KAZN: variants seen among roughly 807,000 people sequenced by gnomAD.
KAZN encodes the protein kazrin.
A neutral mutation model predicts 87.4 loss-of-function variants in KAZN; 40 were observed. That is an observed-to-expected ratio of 0.46 (90% confidence interval 0.36 to 0.60). The LOEUF is 0.60. Ranked by LOEUF, KAZN falls within the 20% of genes least tolerant of loss-of-function variation. KAZN has a pLI of 0.00. For missense variants in KAZN, 898 were observed against 1,073.9 expected, an observed-to-expected ratio of 0.84 and a Z score of 2.29; for synonymous variants, 466 against 458.3, an observed-to-expected ratio of 1.02 and a Z score of -0.22.
intron 2 of KAZN, among the ~76,000 whole-genome samples, chr1:14,586,523 T>TG (rs199827282): frequency 1.4e-5 from 2 of 142,940 alleles, no homozygotes; most frequent in African/African-American, 5.4e-5. Flanking sequence ...TTTTTCTTTC[T>TG]GGTTTTTTTT....
intron 2 of KAZN, among the ~76,000 whole-genome samples, chr1:15,010,899 C>T (rs180940820): frequency 3.9e-5 from 6 of 152,270 alleles, no homozygotes; most frequent in East Asian, 1.9e-4. Flanking sequence ...AACATTTCTC[C>T]CTTTATTTAC....
intron 2 of KAZN, among the ~76,000 whole-genome samples, chr1:14,578,878 G>A (rs541978216): frequency 1.3e-5 from 2 of 152,192 alleles, no homozygotes; most frequent in South Asian, 2.1e-4. Flanking sequence ...ATAACCTTTG[G>A]AGATAGGCAG....
chr1:14,788,918 T>A (rs2100680025), intron 1 of KAZN, among the ~76,000 whole-genome samples: 2 of 152,150 alleles, frequency 1.3e-5, no homozygotes, highest in Middle Eastern at 3.4e-3. Flanking sequence ...TGGGTTAAGA[T>A]CTCCTCCAGA....
chr1:15,096,874 A>G lies in KAZN; in HGVS notation c.1547+1941A>G, dbSNP rs577409613. On this transcript the variant is annotated intron_variant, in intron 10 of 14. Transcript: ENST00000376030. This position sits in a 1 kb window ranked among gnomAD's most constrained non-coding sequence, Gnocchi z 4.5. ...TCACATCGAAGGTTAGGATTTCAGC[A>G]TGTGAATTGGGTGGGGGGCATGGCA... 1.9e-4 allele frequency among the ~76,000 whole-genome samples: 29 copies of G among 152,284 alleles called. No individual in the cohort carries two copies. Among genetic ancestry groups the G allele is most frequent in the African/African-American group, 6.3e-4 (26 of 41,550 alleles).
chr1:14,926,403 A>G (rs1159140197), intron 1 of KAZN, among the ~76,000 whole-genome samples: 2 of 152,170 alleles, frequency 1.3e-5, no homozygotes, highest in Admixed American at 6.5e-5. Flanking sequence ...TCCTAGGTCT[A>G]GGGGTGGTTG....
intron 2 of KAZN, among the ~76,000 whole-genome samples, chr1:14,530,873 C>T (rs1234076668): frequency 6.6e-6 from 1 of 152,070 alleles, no homozygotes; most frequent in African/African-American, 2.4e-5. Flanking sequence ...TCACTTGAAC[C>T]CAGGAATTTG....
intron 1 of KAZN, among the ~76,000 whole-genome samples, chr1:14,015,022 C>G (rs1640497938): frequency 6.6e-6 from 1 of 152,112 alleles, no homozygotes; most frequent in Admixed American, 6.5e-5. Context: ...TGCCTCTAGT[C>G]TTGCAATTTC....
chr1:14,972,305 C>T (rs1330108622), intron 2 of KAZN, among the ~76,000 whole-genome samples: 2 of 152,170 alleles, frequency 1.3e-5, no homozygotes, highest in Admixed American at 6.5e-5. Flanking sequence ...AGGAGAAGAC[C>T]TTTGGTGTGA....
intron 1 of KAZN, among the ~76,000 whole-genome samples, chr1:14,019,321 A>G (rs1466515602): frequency 6.6e-6 from 1 of 152,182 alleles, no homozygotes; most frequent in African/African-American, 2.4e-5. Context: ...AAAGCTATAT[A>G]TCAAGACCCA....
chr1:14,831,644 C>G (rs1480921367), intron 1 of KAZN, among the ~76,000 whole-genome samples: 1 of 152,130 alleles, frequency 6.6e-6, no homozygotes, highest in African/African-American at 2.4e-5. Context: ...AAATATTGAG[C>G]CTACCGCCGA....
chr1:13,931,558 G>C lies in KAZN; in HGVS notation c.91+37802G>C, dbSNP rs899632811. Among the ~76,000 whole-genome samples, 25 of 151,992 alleles carry C rather than the reference G, an allele frequency of 1.6e-4. 1 individual carries two copies. The highest frequency in any genetic ancestry group is 4.4e-5 in the Non-Finnish European group (3 of 68,002). On this transcript the variant is annotated intron_variant, in intron 1 of 16. Coordinates refer to the KAZN transcript ENST00000636203. ...GTTGAGGCTTAGCATCACAGACTCAGGGAAGATTAAACCAGAAGCAATCAT... is the reference window on the plus strand; with the variant it reads ...GTTGAGGCTTAGCATCACAGACTCACGGAAGATTAAACCAGAAGCAATCAT...
intron 2 of KAZN, among the ~76,000 whole-genome samples, chr1:14,406,134 T>C (rs1452821075): frequency 6.6e-6 from 1 of 152,212 alleles, no homozygotes; most frequent in African/African-American, 2.4e-5. Flanking sequence ...GATAAATGCT[T>C]GATGGGATGG....
chr1:15,017,297 C>CA (rs972750455), intron 2 of KAZN, among the ~76,000 whole-genome samples: 41 of 150,246 alleles, frequency 2.7e-4, no homozygotes, highest in African/African-American at 6.1e-4. Flanking sequence ...GATTCAGTCT[C>CA]AAAAAAAAAG....
chr1:14,927,263 T>G (rs1659272799), intron 1 of KAZN, among the ~76,000 whole-genome samples: 1 of 152,158 alleles, frequency 6.6e-6, no homozygotes, highest in African/African-American at 2.4e-5. Flanking sequence ...GATCTTTCAT[T>G]GTCCATTCAT....
In KAZN at chr1:15,096,605, C is replaced by T. The variant is rs912515407; in HGVS notation, c.1547+1672C>T. 6.6e-6 allele frequency among the ~76,000 whole-genome samples: 1 copy of T among 152,234 alleles called. No individual in the cohort carries two copies. Among genetic ancestry groups the T allele is most frequent in the African/African-American group, 2.4e-5 (1 of 41,470 alleles). ...GGGTTGCTTAGACAACAACTTACGT[C>T]TCACAGTTCTGGAGGCTGGAAGTCC... On this transcript the variant is annotated intron_variant, in intron 10 of 14. Transcript: ENST00000376030. This position sits in a 1 kb window ranked among gnomAD's most constrained non-coding sequence, Gnocchi z 4.5.
chr1:13,933,485 T>A (rs542645720), intron 1 of KAZN, among the ~76,000 whole-genome samples: 329 of 152,220 alleles, frequency 2.2e-3, no homozygotes, highest in African/African-American at 7.5e-3. Context: ...AGAGCAAAAC[T>A]CCGTCCCCCC....
At chr1:14,200,785 A>G (rs947774808) in intron 2 of KAZN, among the ~76,000 whole-genome samples, 4 of 151,938 alleles carry the variant, frequency 2.6e-5, no homozygotes, top group Admixed American at 1.3e-4. Context: ...TAACTGATTC[A>G]TATTGCAATC....
intron 1 of KAZN, among the ~76,000 whole-genome samples, chr1:14,904,309 GAAAAA>G (rs34880967): frequency 3.6e-5 from 5 of 137,862 alleles, no homozygotes; most frequent in East Asian, 4.3e-4. Flanking sequence ...CGTCTCAAAA[GAAAAA>G]AAAAAAAAAA....
chr1:14,183,469 A>G (rs901687775), intron 2 of KAZN, among the ~76,000 whole-genome samples: 5 of 152,080 alleles, frequency 3.3e-5, no homozygotes, highest in African/African-American at 4.8e-5. Flanking sequence ...CAGGCCCCCA[A>G]ATTCAATGGA....
Sources: gnomAD v4.1 joint callset for allele counts (sites outside exome capture counted in the v4.1 genomes callset) on GRCh38, gnomAD v4.1.1 for gene constraint, Gnocchi (gnomAD v3.1) non-coding constraint, MANE v1.5 for transcripts, NCBI Gene and HGNC (gene_info 2026-07-23, HGNC 2026-07-21) for gene names.